The following SNX29 variants were observed in gnomAD, a reference collection of about 807,000 sequenced individuals.
SNX29 encodes the protein sorting nexin 29, also known as sorting nexin-29.
SNX29 carries 78 observed loss-of-function variants against 102.1 expected under a neutral mutation model. The ratio of observed to expected loss-of-function variants is 0.76; its 90% CI spans 0.64 to 0.92. The LOEUF is 0.92. Among genes scored for constraint, SNX29 ranks in the 40% least tolerant of loss-of-function variants. The pLI is 0.00. For synonymous variants in SNX29, 580 were observed against 414.5 expected (o/e 1.40, Z -4.85); for missense variants, 1,280 against 1,061.7 (o/e 1.21, Z -2.86).
intron 18 of SNX29, among the ~76,000 whole-genome samples, chr16:12,455,294 C>A (rs2151731103): frequency 6.6e-6 from 1 of 152,262 alleles, no homozygotes; most frequent in African/African-American, 2.4e-5. Context: ...ACCTCGTGGC[C>A]CTTTTGGCTG....
intron 20 of SNX29, among the ~76,000 whole-genome samples, chr16:12,536,597 G>A (rs1039743424): frequency 6.6e-5 from 10 of 152,138 alleles, no homozygotes; most frequent in South Asian, 6.2e-4. Context: ...CACAGAGAAC[G>A]CACTAACTAG....
rs547596966 is a variant in SNX29, at chr16:12,414,327, T to A, written c.2037+10798T>A. On this transcript the variant is annotated intron_variant, in intron 18 of 20. Coordinates refer to ENST00000566228, the MANE Select transcript of SNX29 (RefSeq NM_032167.5). ...AGATCGAGGCTGCAGTGAGCTATGA[T>A]CACACCGCTGCACTCCAGCCTGGGT... 5.8e-4 allele frequency among the ~76,000 whole-genome samples: 89 copies of A among 152,240 alleles called. 1 individual carries two copies. Among genetic ancestry groups the A allele is most frequent in the Non-Finnish European group, 1.1e-3 (77 of 68,014 alleles).
intron 8 of SNX29, among the ~76,000 whole-genome samples, chr16:12,057,908 C>T (rs960121089): frequency 1.3e-5 from 2 of 151,756 alleles, no homozygotes; most frequent in Non-Finnish European, 2.9e-5. Flanking sequence ...ATCCCTGCCT[C>T]CTGTGTTCAA....
intron 20 of SNX29, among the ~76,000 whole-genome samples, chr16:12,553,335 C>A (rs867375755): frequency 6.6e-6 from 1 of 152,208 alleles, no homozygotes; most frequent in Non-Finnish European, 1.5e-5. Flanking sequence ...ACAAGGCAGG[C>A]AGAGAAACCA....
chr16:12,536,797 AAAACCCC>A (rs1567669137), intron 20 of SNX29, among the ~76,000 whole-genome samples: 1 of 152,094 alleles, frequency 6.6e-6, no homozygotes, highest in Non-Finnish European at 1.5e-5. Flanking sequence ...CCAACATGGT[AAAACCCC>A]ATCTCTATTA....
At chr16:12,530,178 G>A (rs1032054487) in intron 20 of SNX29, among the ~76,000 whole-genome samples, 2 of 152,204 alleles carry the variant, frequency 1.3e-5, no homozygotes, top group African/African-American at 4.8e-5. Context: ...CATAGAAAGT[G>A]CGGTGTTGAT....
At chr16:12,476,391 T>TATATATATATATATATATAC (rs2087619747) in intron 18 of SNX29, among the ~76,000 whole-genome samples, 5 of 14,070 alleles carry the variant, frequency 3.6e-4, no homozygotes, top group Admixed American at 1.3e-3. Flanking sequence ...AAAATATATA[T>TATATATATATATATATATAC]ATATATATAT....
intron 20 of SNX29, among the ~76,000 whole-genome samples, chr16:12,555,131 T>G (rs2078248628): frequency 6.6e-6 from 1 of 151,910 alleles, no homozygotes; most frequent in Non-Finnish European, 1.5e-5. Context: ...AAAAGGCTTA[T>G]TCTCAGACTT....
chr16:12,422,887 C>A (rs116059675), intron 18 of SNX29, among the ~76,000 whole-genome samples: 1,652 of 152,260 alleles, frequency 0.011, 39 homozygotes, highest in African/African-American at 0.038. Flanking sequence ...TGGTGGTGTA[C>A]GGAGATAGGC....
intron 18 of SNX29, among the ~76,000 whole-genome samples, chr16:12,446,442 C>T (rs556404727): frequency 6.6e-6 from 1 of 152,186 alleles, no homozygotes; most frequent in African/African-American, 2.4e-5. Context: ...TGTTCTTTAT[C>T]ATCTGGTGGG....
chr16:12,493,749 G>A (rs1335954276), intron 19 of SNX29, among the ~76,000 whole-genome samples: 4 of 152,054 alleles, frequency 2.6e-5, no homozygotes, highest in African/African-American at 4.8e-5. Context: ...ATGCCACCAC[G>A]CCCAACTAAT....
At chr16:12,243,398 C>T (rs568950461) in intron 14 of SNX29, among the ~76,000 whole-genome samples, 2 of 152,342 alleles carry the variant, frequency 1.3e-5, no homozygotes, top group Non-Finnish European at 2.9e-5. Flanking sequence ...CACCTGATGT[C>T]TCCTGCAGTT....
At position 12,252,975 on chromosome 16, in the gene SNX29, G is replaced by C. The variant is rs188051000; in HGVS notation, c.1679-24958G>C. ...CTGGACTGGCAGCTGGGATAGGAGT[G>C]GGGGAGGGTTCTTGCGTTGGGTTTG... is the stretch of plus-strand genomic sequence containing the variant. On this transcript the variant is annotated intron_variant, in intron 14 of 20. Coordinates refer to ENST00000566228, the MANE Select transcript of SNX29 (RefSeq NM_032167.5). Among the ~76,000 whole-genome samples the C allele has an allele frequency of 2.9e-3, 438 of 152,346 alleles. 4 individuals carry two copies. Among genetic ancestry groups the C allele is most frequent in the African/African-American group, 0.01 (418 of 41,588 alleles).
intron 19 of SNX29, among the ~76,000 whole-genome samples, chr16:12,512,004 C>T (rs1359548365): frequency 6.6e-6 from 1 of 151,916 alleles, no homozygotes; most frequent in African/African-American, 2.4e-5. Context: ...TTGTGCTGGG[C>T]ACTGAAGATG....
At chr16:12,549,533 A>AG (rs2077831302) in intron 20 of SNX29, among the ~76,000 whole-genome samples, 3 of 152,130 alleles carry the variant, frequency 2.0e-5, no homozygotes, top group Admixed American at 2.0e-4. Flanking sequence ...TCTATCTCAA[A>AG]TAGCCAGTAA....
chr16:12,455,337 G>T (rs1267069845), intron 18 of SNX29, among the ~76,000 whole-genome samples: 1 of 152,132 alleles, frequency 6.6e-6, no homozygotes, highest in Non-Finnish European at 1.5e-5. Context: ...CCCCATCAAG[G>T]ACTTTTTTTT....
Position 12,027,183 on chromosome 16 carries a change from C to G in SNX29, c.123-137C>G, listed in dbSNP as rs2057215819. The G allele has an allele frequency of 4.0e-6, 4 of 1,001,144 alleles. No individual in the cohort carries two copies. The East Asian group carries it at 7.9e-5, about 20-fold the overall frequency. 62.0% of individuals were successfully genotyped at this position (1,001,144 alleles called of 1,614,324 possible). A position where few individuals can be genotyped will look rare whatever the true frequency, so the allele number is the denominator to read the frequency against. Reference sequence around the variant, plus strand: ...TGGCGCAGGTCAGTTACCAAGCCTGCACATCCAGGTGTCTCCTGTCTGCCT... The same window carrying G: ...TGGCGCAGGTCAGTTACCAAGCCTGGACATCCAGGTGTCTCCTGTCTGCCT... On this transcript the variant is annotated intron_variant, in intron 3 of 20. Coordinates refer to ENST00000566228, the MANE Select transcript of SNX29 (RefSeq NM_032167.5).
chr16:12,556,585 T>C (rs1433472939), intron 20 of SNX29: 2 of 152,158 alleles, frequency 1.3e-5, no homozygotes, highest in South Asian at 2.1e-4. Context: ...TGGGAAGCTA[T>C]GGAAGGGTTT....
chr16:12,360,544 G>T (rs1329365792), intron 16 of SNX29, among the ~76,000 whole-genome samples: 1 of 152,116 alleles, frequency 6.6e-6, no homozygotes, highest in African/African-American at 2.4e-5. Flanking sequence ...TTTCCATCAG[G>T]AGGCTCATAA....
Sources: allele counts gnomAD v4.1 joint callset (sites outside exome capture counted in the v4.1 genomes callset), GRCh38; gene constraint gnomAD v4.1.1; transcripts MANE v1.5; gene names NCBI Gene and HGNC (gene_info 2026-07-23, HGNC 2026-07-21).